The following XPO4 variants were observed in gnomAD, a reference collection of about 807,000 sequenced individuals.
XPO4 encodes the protein exportin-4.
XPO4 carries 39 observed loss-of-function variants against 143.0 expected under a neutral mutation model. The ratio of observed to expected loss-of-function variants is 0.27; its 90% CI spans 0.21 to 0.36. The LOEUF is 0.36. Among genes scored for constraint, XPO4 ranks in the 10% least tolerant of loss-of-function variants. XPO4 has a pLI of 1.00. For missense variants in XPO4, 907 were observed against 1,348.0 expected (o/e 0.67, Z 5.12); for synonymous variants, 439 against 474.0 (o/e 0.93, Z 0.96).
At chr13:20,870,488 T>C (rs1022302447) in intron 1 of XPO4, among the ~76,000 whole-genome samples, 4 of 151,248 alleles carry the variant, frequency 2.6e-5, no homozygotes, top group Admixed American at 2.0e-4. Context: ...CGGTGGCTCA[T>C]GCCCGTAATC....
chr13:20,811,021 G>A (rs971150600), intron 9 of XPO4, among the ~76,000 whole-genome samples: 8 of 152,170 alleles, frequency 5.3e-5, no homozygotes, highest in African/African-American at 1.4e-4. Context: ...CTCCCTGAAT[G>A]GAGCTAACAT....
rs1380590408 is a variant in XPO4 at position 20,850,546 on chromosome 13, C to T, written c.456+5081G>A. Among the ~76,000 whole-genome samples the T allele has an allele frequency of 2.0e-5, 3 of 152,102 alleles. No homozygotes were observed. The East Asian group carries it at 5.8e-4, about 29-fold the overall frequency. ...TATAAGGCTGAAACAGGAGGATCAC[C>T]TTGAGGTCAGGAGCTCAAGATAACC... On this transcript the variant is annotated intron_variant, in intron 4 of 22. Coordinates refer to ENST00000255305, the MANE Select transcript of XPO4 (RefSeq NM_022459.5).
At position 20,788,517 on chromosome 13, in the gene XPO4, G is replaced by A; in HGVS notation, c.3016C>T (p.Leu1006=). The A allele has an allele frequency of 6.2e-7, 1 of 1,612,946 alleles. No individual in the cohort carries two copies. Among genetic ancestry groups the A allele is most frequent in the Non-Finnish European group, 8.5e-7 (1 of 1,179,544 alleles). ...ATTCCTAATTCTAGGGAGTACATCA[G>A]ACTTTTAAACAGATCCTCAGGAAGC... ...PQLPEDLFKS[L]MYSLELGMTS... Residue 1006 remains leucine, a synonymous_variant, in exon 20 of 23, where the codon CTG becomes TTG. Transcript: ENST00000255305.
chr13:20,797,349 A>G (rs2059372290), intron 16 of XPO4, among the ~76,000 whole-genome samples: 1 of 152,144 alleles, frequency 6.6e-6, no homozygotes, highest in Non-Finnish European at 1.5e-5. Flanking sequence ...AAGGAAAAAA[A>G]ACTTTGTTTA....
rs186611525 is a variant in XPO4, at chr13:20,799,382, T to A, written c.2148-43A>T. 6.5e-4 allele frequency: 1,000 copies of A among 1,537,976 alleles called. 6 individuals carry two copies. The African/African-American group carries it at 0.012, about 19-fold the overall frequency. On this transcript the variant is annotated intron_variant, in intron 15 of 22. Transcript: ENST00000255305. ...AAAACATAAGATGTATTACTATGTATATACATACACACATACACATATACA... is the reference window on the plus strand; with the variant it reads ...AAAACATAAGATGTATTACTATGTAAATACATACACACATACACATATACA...
intron 1 of XPO4, among the ~76,000 whole-genome samples, chr13:20,880,832 C>A (rs1566623989): frequency 6.6e-6 from 1 of 151,956 alleles, no homozygotes. Context: ...GTGGCTTGCA[C>A]CTGTAGTCCC....
intron 9 of XPO4, among the ~76,000 whole-genome samples, chr13:20,815,369 G>A (rs1202079581): frequency 2.0e-5 from 3 of 152,196 alleles, no homozygotes; most frequent in Admixed American, 6.5e-5. Context: ...TACCACTCTC[G>A]TGTGGGATGT....
intron 4 of XPO4, chr13:20,852,462 G>A: frequency 2.0e-6 from 2 of 985,278 alleles, no homozygotes; most frequent in Non-Finnish European, 2.4e-6. Flanking sequence ...TAATGCACAT[G>A]GCCATTAGTT....
intron 2 of XPO4, among the ~76,000 whole-genome samples, chr13:20,868,048 T>A (rs910345006): frequency 1.3e-5 from 2 of 152,140 alleles, no homozygotes; most frequent in Admixed American, 1.3e-4. Context: ...AGACATAAGA[T>A]ACTCATAAAA....
At chr13:20,883,000 C>T (rs2060427783) in intron 1 of XPO4, among the ~76,000 whole-genome samples, 1 of 152,166 alleles carries the variant, frequency 6.6e-6, no homozygotes, top group South Asian at 2.1e-4. Flanking sequence ...GGCTTCCTCA[C>T]TCTGTCCCAG....
At chr13:20,840,665 T>C (rs769573362) in intron 6 of XPO4, among the ~76,000 whole-genome samples, 5 of 152,194 alleles carry the variant, frequency 3.3e-5, no homozygotes, top group Non-Finnish European at 7.3e-5. Flanking sequence ...AATTAGAAAT[T>C]AGTCAGAATT....
At position 20,809,089 on chromosome 13, in the gene XPO4, A is replaced by G. The variant is rs755418803; in HGVS notation, c.1487T>C (p.Leu496Pro). 6.2e-7 allele frequency: 1 copy of G among 1,613,596 alleles called. No individual in the cohort carries two copies. The highest frequency in any genetic ancestry group is 2.2e-5 in the East Asian group (1 of 44,882). Residue 496 changes from leucine to proline, a missense_variant, in exon 11 of 23, where the codon CTG (leucine) becomes CCG (proline). Transcript: ENST00000255305. ...RIAAEHCIPLLTSLLEERVTR... is the reference protein window; with the variant it reads ...RIAAEHCIPLPTSLLEERVTR... ...TTCTTTGGACTGTGTGTACCTTGTC[A>G]GAAGAGGTATACAGTGTTCTGCAGC...
intron 4 of XPO4, among the ~76,000 whole-genome samples, chr13:20,853,707 T>C (rs183345686): frequency 6.6e-6 from 1 of 152,324 alleles, no homozygotes; most frequent in East Asian, 1.9e-4. Context: ...TATCGGTCTT[T>C]AGAATGACAC....
At chr13:20,805,643 C>G (rs1341944746) in intron 13 of XPO4, among the ~76,000 whole-genome samples, 1 of 152,206 alleles carries the variant, frequency 6.6e-6, no homozygotes, top group Non-Finnish European at 1.5e-5. Flanking sequence ...TACTGATACT[C>G]ACTCTAGCTT....
At position 20,800,989 on chromosome 13, in the gene XPO4, G is replaced by A. The variant is rs1172333794; in HGVS notation, c.1819C>T (p.Leu607=). Reference sequence around the variant, plus strand: ...GAAACTCTGAGAATGGCAGACAACAGCCTGTAGGTATAAAACAGAAGTCAT... The same window carrying A: ...GAAACTCTGAGAATGGCAGACAACAACCTGTAGGTATAAAACAGAAGTCAT... ...GYNRTDSVIR[L]LSAILRVSEV... is the part of the protein sequence containing the mutation. The change falls in exon 14 of 23, where the codon CTG becomes TTG. Residue 607 remains leucine, a splice_region_variant and synonymous_variant. Coordinates refer to ENST00000255305, the MANE Select transcript of XPO4 (RefSeq NM_022459.5). 1 of 1,613,238 alleles carries A rather than the reference G, an allele frequency of 6.2e-7. No homozygotes were observed. Among genetic ancestry groups the A allele is most frequent in the South Asian group, 1.1e-5 (1 of 90,894 alleles).
At chr13:20,902,405 T>G (rs2060629858) in intron 1 of XPO4, 1 of 985,250 alleles carries the variant, frequency 1.0e-6, no homozygotes, top group South Asian at 4.7e-5. Context: ...GGTGAAGAAA[T>G]TCTCTTTGCT....
intron 4 of XPO4, among the ~76,000 whole-genome samples, chr13:20,844,552 A>G (rs1262019262): frequency 6.6e-6 from 1 of 152,220 alleles, no homozygotes; most frequent in African/African-American, 2.4e-5. Context: ...GCAACTTTCC[A>G]GGAGTTAAAC....
chr13:20,831,508 T>C (rs2059851484), intron 6 of XPO4, among the ~76,000 whole-genome samples: 1 of 152,184 alleles, frequency 6.6e-6, no homozygotes, highest in Non-Finnish European at 1.5e-5. Flanking sequence ...TGGAACTAAA[T>C]AGCTATTACT....
intron 14 of XPO4, 121 bp downstream of exon 14, chr13:20,800,710 A>G: frequency 1.6e-6 from 2 of 1,272,914 alleles, no homozygotes; most frequent in Non-Finnish European, 2.2e-6. Flanking sequence ...TTCCACACAG[A>G]AAATGTTAAA....
Sources: allele counts gnomAD v4.1 joint callset (sites outside exome capture counted in the v4.1 genomes callset), GRCh38; gene constraint gnomAD v4.1.1; transcripts MANE v1.5; gene names NCBI Gene and HGNC (gene_info 2026-07-23, HGNC 2026-07-21).